BTBD7: variants seen among roughly 807,000 people sequenced by gnomAD.
The protein encoded by BTBD7 is BTB/POZ domain-containing protein 7.
Under a neutral mutation model 99.9 loss-of-function variants are expected in BTBD7, and 38 were observed. That is an observed-to-expected ratio of 0.38 (90% confidence interval 0.29 to 0.50). The LOEUF (loss-of-function observed/expected upper bound fraction) is 0.50. BTBD7 is among the 20% of genes least tolerant of loss of function. The pLI, the probability that BTBD7 is intolerant of heterozygous loss-of-function variation, is 0.93. For missense variants in BTBD7, 1,170 were observed against 1,394.6 expected (o/e 0.84, Z 2.57); for synonymous variants, 520 against 511.4 (o/e 1.02, Z -0.23).
rs528012658 is a variant in BTBD7, at chr14:93,287,228, C to CA, written c.1162+6629dup. 3.9e-3 allele frequency among the ~76,000 whole-genome samples: 500 copies of CA among 126,658 alleles called. 6 individuals carry two copies. Among genetic ancestry groups the CA allele is most frequent in the African/African-American group, 0.011 (353 of 31,258 alleles). 83.1% of individuals were successfully genotyped at this position (126,658 alleles called of 152,430 possible). ...TGGGCGACAGAGCGAGACTCTGTCT[C>CA]AAAAAAAAAAAAAGTTAACCTTGTA... is the stretch of plus-strand genomic sequence containing the variant. On this transcript the variant is annotated intron_variant, in intron 3 of 10. Coordinates refer to ENST00000334746, the MANE Select transcript of BTBD7 (RefSeq NM_001002860.4).
In BTBD7 at chr14:93,254,906, G is replaced by C. The variant is rs547326590; in HGVS notation, c.1609-1116C>G. 2.6e-5 allele frequency among the ~76,000 whole-genome samples: 4 copies of C among 152,288 alleles called. No homozygotes were observed. The South Asian group carries it at 8.3e-4, about 32-fold the overall frequency. On this transcript the variant is annotated intron_variant, in intron 6 of 10. Transcript: ENST00000334746. Reference sequence around the variant, plus strand: ...CAGAGGTATATATTTCCTAACCAAAGTTCTAAAATACTTTTCTAAACTACA... The same window carrying C: ...CAGAGGTATATATTTCCTAACCAAACTTCTAAAATACTTTTCTAAACTACA...
intron 3 of BTBD7, among the ~76,000 whole-genome samples, chr14:93,284,681 T>C (rs1030134055): frequency 3.9e-5 from 6 of 152,030 alleles, no homozygotes. Context: ...TCAGAAGATA[T>C]AAAACCCTAA....
In BTBD7 at chr14:93,332,673, C is replaced by T. The variant is rs1386196666; in HGVS notation, c.-107+147G>A. ...CAGACGGACGACTGGCCCCTCCCCGCCCGGCGCCCCAGCGCCTCCCGCGGC... is the reference window on the plus strand; with the variant it reads ...CAGACGGACGACTGGCCCCTCCCCGTCCGGCGCCCCAGCGCCTCCCGCGGC... On this transcript the variant is annotated intron_variant, in intron 1 of 10. Coordinates refer to ENST00000334746, the MANE Select transcript of BTBD7 (RefSeq NM_001002860.4). The T allele has an allele frequency of 9.9e-6, 12 of 1,217,872 alleles. No homozygotes were observed. The Admixed American group carries it at 4.3e-4, about 44-fold the overall frequency. The allele number at this position is 1,217,872 out of a possible 1,614,324, so 75.4% of individuals were successfully genotyped here.
intron 3 of BTBD7, among the ~76,000 whole-genome samples, chr14:93,281,055 T>C: frequency 6.6e-6 from 1 of 152,090 alleles, no homozygotes; most frequent in East Asian, 1.9e-4. Flanking sequence ...CAGGCTGGAG[T>C]GCAGTGGCAC....
intron 3 of BTBD7, among the ~76,000 whole-genome samples, chr14:93,283,834 G>A (rs2052748698): frequency 6.6e-6 from 1 of 152,206 alleles, no homozygotes; most frequent in Non-Finnish European, 1.5e-5. Flanking sequence ...TTACAGGCAT[G>A]AGCCATTGCA....
Position 93,253,518 on chromosome 14 carries a change from C to T in BTBD7, c.1752+129G>A, listed in dbSNP as rs111441880. 7.4e-4 allele frequency: 602 copies of T among 809,306 alleles called. 8 individuals are homozygous for T. In the East Asian group the frequency reaches 0.014, roughly 19 times the overall value. The allele number at this position is 809,306 out of a possible 1,614,324, so 50.1% of individuals were successfully genotyped here. The stretch of plus-strand genomic sequence containing the variant: ...ATTCTGTTGAGTAGTCAAACTAGAA[C>T]TTACTTTCATTTTCCCTATTGTTGA... On this transcript the variant is annotated intron_variant, in intron 7 of 10. Transcript: ENST00000334746.
chr14:93,259,909 G>A lies in BTBD7; in HGVS notation c.1447+1693C>T, dbSNP rs922084768. 3.9e-5 allele frequency among the ~76,000 whole-genome samples: 6 copies of A among 152,138 alleles called. No homozygotes were observed. In the South Asian group the frequency reaches 6.2e-4, roughly 16 times the overall value. ...AGATCGCGCCACTGTACTCCAGCCT[G>A]GGAAACACAGCAAGACTCCATCTCA... On this transcript the variant is annotated intron_variant, in intron 5 of 10. Coordinates refer to ENST00000334746, the MANE Select transcript of BTBD7 (RefSeq NM_001002860.4).
At chr14:93,318,345 A>AG (rs2053231194) in intron 1 of BTBD7, among the ~76,000 whole-genome samples, 1 of 152,206 alleles carries the variant, frequency 6.6e-6, no homozygotes, top group Admixed American at 6.5e-5. Context: ...AAGAGGCATG[A>AG]GGGGGGCTTT....
At chr14:93,247,962 T>C (rs961823231) in intron 9 of BTBD7, among the ~76,000 whole-genome samples, 1 of 152,182 alleles carries the variant, frequency 6.6e-6, no homozygotes, top group African/African-American at 2.4e-5. Context: ...AAAGTGGGCA[T>C]GTGAAAGGTG....
Position 93,242,292 on chromosome 14 carries a change from T to C in BTBD7, c.3380A>G (p.Tyr1127Cys), listed in dbSNP as rs1341358786. Residue 1127 changes from tyrosine (Y) to cysteine (C), a missense_variant, in exon 11 of 11, where the codon TAC (tyrosine) becomes TGC (cysteine). Physicochemically the swap from Tyr to Cys is radical, Grantham distance 194. This residue lies in a region of BTBD7 where 495 missense variants were observed against 525.9 expected (regional missense o/e 0.94). Transcript: ENST00000334746. ...RRSPSKPDFL[Y>C]KKSAL ...TTGCTCTCAGAGGGCAGACTTTTTGTAGAGGAAGTCCGGCTTGCTTGGTGA... is the reference window on the plus strand; with the variant it reads ...TTGCTCTCAGAGGGCAGACTTTTTGCAGAGGAAGTCCGGCTTGCTTGGTGA... The C allele has an allele frequency of 3.1e-6, 5 of 1,613,704 alleles. No individual in the cohort carries two copies. In the South Asian group the frequency reaches 5.5e-5, roughly 18 times the overall value.
chr14:93,279,016 T>C (rs1422181856), intron 3 of BTBD7, among the ~76,000 whole-genome samples: 1 of 152,216 alleles, frequency 6.6e-6, no homozygotes, highest in Non-Finnish European at 1.5e-5. Context: ...AAAGAATTAG[T>C]AATTTTGATA....
chr14:93,282,798 T>TTA (rs1444602933), intron 3 of BTBD7, among the ~76,000 whole-genome samples: 1 of 152,176 alleles, frequency 6.6e-6, no homozygotes, highest in African/African-American at 2.4e-5. Context: ...CACCTGTATC[T>TTA]TAGACTCCAT....
At chr14:93,260,124 G>T (rs2052471517) in intron 5 of BTBD7, among the ~76,000 whole-genome samples, 1 of 152,018 alleles carries the variant, frequency 6.6e-6, no homozygotes, top group African/African-American at 2.4e-5. Context: ...GCATATTAAA[G>T]AAACACTATA....
chr14:93,270,188 C>T (rs547813224), intron 3 of BTBD7, among the ~76,000 whole-genome samples: 9 of 152,208 alleles, frequency 5.9e-5, no homozygotes, highest in South Asian at 2.1e-4. Context: ...CTCAGCTATC[C>T]GGGTTCAAGC....
At chr14:93,256,944 CT>C (rs1186880062) in intron 6 of BTBD7, 12 of 443,578 alleles carry the variant, frequency 2.7e-5, no homozygotes, top group Non-Finnish European at 4.8e-5. Flanking sequence ...AGAATTAACT[CT>C]GCTAGAAATA....
intron 6 of BTBD7, chr14:93,256,735 A>C (rs182255397): frequency 6.5e-6 from 1 of 152,896 alleles, no homozygotes; most frequent in Non-Finnish European, 1.5e-5. Context: ...ATTAATTTTT[A>C]AAAAATTCAC....
At chr14:93,296,507 A>C (rs2052928602) in intron 1 of BTBD7, among the ~76,000 whole-genome samples, 1 of 152,224 alleles carries the variant, frequency 6.6e-6, no homozygotes, top group Non-Finnish European at 1.5e-5. Flanking sequence ...GGCAATCACC[A>C]TTCATTATTA....
At chr14:93,304,644 G>GC (rs1279113060) in intron 1 of BTBD7, among the ~76,000 whole-genome samples, 1 of 152,198 alleles carries the variant, frequency 6.6e-6, no homozygotes, top group African/African-American at 2.4e-5. Context: ...GAGCCACCGT[G>GC]CCCGGCCTAG....
intron 1 of BTBD7, among the ~76,000 whole-genome samples, chr14:93,300,884 G>A (rs2052996774): frequency 6.6e-6 from 1 of 151,476 alleles, no homozygotes; most frequent in African/African-American, 2.4e-5. Context: ...CCAAAGTGCT[G>A]GGATTACAGG....
Sources: allele counts gnomAD v4.1 joint callset (sites outside exome capture counted in the v4.1 genomes callset), GRCh38; gene constraint gnomAD v4.1.1; regional missense constraint gnomAD v4.1.1; transcripts MANE v1.5; gene names NCBI Gene and HGNC (gene_info 2026-07-23, HGNC 2026-07-21).